CALCRL: variants seen among roughly 807,000 people sequenced by gnomAD.
CALCRL encodes calcitonin receptor like receptor.
Under a neutral mutation model 60.4 loss-of-function variants are expected in CALCRL, and 27 were observed. That is an observed-to-expected ratio of 0.45 (90% CI 0.33 to 0.62). CALCRL has a LOEUF of 0.62. Ranked by LOEUF, CALCRL falls within the 20% of genes least tolerant of loss-of-function variation. The pLI, the probability that CALCRL is intolerant of heterozygous loss-of-function variation, is 0.03. For missense variants in CALCRL, 424 were observed against 540.7 expected (o/e 0.78, Z 2.14); for synonymous variants, 190 against 182.6 (o/e 1.04, Z -0.33).
intron 8 of CALCRL, among the ~76,000 whole-genome samples, chr2:187,375,278 CAAAA>C (rs35276351): frequency 8.7e-6 from 1 of 115,374 alleles, no homozygotes. Flanking sequence ...GACTCCGTCT[CAAAA>C]AAAAAAAAAA....
chr2:187,427,892 T>C (rs1690216680), intron 1 of CALCRL, among the ~76,000 whole-genome samples: 1 of 152,202 alleles, frequency 6.6e-6, no homozygotes, highest in Non-Finnish European at 1.5e-5. Flanking sequence ...TGGTCATTTC[T>C]ACTATTTGAT....
At chr2:187,361,463 A>G (rs114097329) in intron 9 of CALCRL, among the ~76,000 whole-genome samples, 394 of 152,100 alleles carry the variant, frequency 2.6e-3, no homozygotes, top group Non-Finnish European at 4.2e-3. Flanking sequence ...CCAAAAATAC[A>G]TGACCTGTTA....
At chr2:187,417,576 G>GTA (rs775666975) in intron 1 of CALCRL, among the ~76,000 whole-genome samples, 13 of 151,980 alleles carry the variant, frequency 8.6e-5, no homozygotes, top group Non-Finnish European at 1.8e-4. Flanking sequence ...CCTTTGACCT[G>GTA]TAATGAACAA....
In CALCRL at chr2:187,385,556, G is replaced by A. The variant is rs1464838331; in HGVS notation, c.40C>T (p.Pro14Ser). Residue 14 changes from proline to serine, a missense_variant, in exon 4 of 15, where the codon CCT becomes TCT. By Grantham distance (74) the Pro-to-Ser change is moderately conservative. This residue lies in a region of CALCRL where 108 missense variants were observed against 132.9 expected (regional missense o/e 0.81). Coordinates refer to ENST00000392370, the MANE Select transcript of CALCRL (RefSeq NM_005795.6). ...ATTTTTATGCTTACCATAAAAAAAG[G>A]CAAGAGAACCAGAAAATACAGGGTA... ...KCTLYFLVLL[P>S]FFMILVTAEL... 5 of 1,504,306 alleles carry A rather than the reference G, an allele frequency of 3.3e-6. No homozygotes were observed. Among genetic ancestry groups the A allele is most frequent in the Non-Finnish European group, 4.6e-6 (5 of 1,089,700 alleles). 93.2% of individuals were successfully genotyped at this position (1,504,306 alleles called of 1,614,324 possible). A position where few individuals can be genotyped will look rare whatever the true frequency, so the allele number is the denominator to read the frequency against.
chr2:187,443,911 G>A (rs190191273), intron 1 of CALCRL, among the ~76,000 whole-genome samples: 13 of 151,688 alleles, frequency 8.6e-5, no homozygotes, highest in African/African-American at 2.2e-4. Context: ...TAGTGAATGC[G>A]GGTTCAAATT....
intron 4 of CALCRL, among the ~76,000 whole-genome samples, chr2:187,383,526 T>C (rs989720643): frequency 2.6e-5 from 4 of 152,124 alleles, no homozygotes; most frequent in African/African-American, 7.2e-5. Context: ...GATGTCACCA[T>C]TGGCAGAGTG....
chr2:187,349,386 C>G (rs973618875), intron 14 of CALCRL, among the ~76,000 whole-genome samples: 3 of 151,414 alleles, frequency 2.0e-5, no homozygotes, highest in African/African-American at 7.3e-5. Flanking sequence ...AGGCATTTGA[C>G]CTAATGTGGA....
chr2:187,364,413 G>A (rs1687189543), intron 8 of CALCRL, among the ~76,000 whole-genome samples: 1 of 151,910 alleles, frequency 6.6e-6, no homozygotes. Flanking sequence ...TCATATGAAG[G>A]AAGACCTGAG....
At position 187,371,236 on chromosome 2, in the gene CALCRL, C is replaced by T. The variant is rs556058469; in HGVS notation, c.500+7704G>A. ...CAGCCTGGGTGACAGAGCGAGACTC[C>T]GTCTAAAAAAAAAAAAAAGTTAAAT... is the stretch of plus-strand genomic sequence containing the variant. On this transcript the variant is annotated intron_variant, in intron 8 of 14. Transcript: ENST00000392370. Among the ~76,000 whole-genome samples the T allele has an allele frequency of 5.4e-4, 80 of 149,418 alleles. No individual in the cohort carries two copies. In the Middle Eastern group the frequency reaches 0.024, roughly 45 times the overall value.
At position 187,346,318 on chromosome 2, in the gene CALCRL, T is replaced by C. The variant is rs770616041; in HGVS notation, c.1252A>G (p.Ser418Gly). 1.1e-5 allele frequency: 18 copies of C among 1,612,458 alleles called. No homozygotes were observed. Among genetic ancestry groups the C allele is most frequent in the Non-Finnish European group, 8.5e-7 (1 of 1,179,086 alleles). ...NSFSNSEALR[S>G]ASYTVSTISD... ...ATTGTTGACACTGTGTAAGACGCAC[T>C]ACGAAGAGCTTCTGAGTTGGAAAAG... Residue 418 changes from serine (S) to glycine (G), a missense_variant, in exon 15 of 15, where the codon AGT becomes GGT. Physicochemically the swap from Ser to Gly is moderately conservative, Grantham distance 56. This residue lies in a region of CALCRL where 222 missense variants were observed against 265.6 expected (regional missense o/e 0.84). Coordinates refer to ENST00000392370, the MANE Select transcript of CALCRL (RefSeq NM_005795.6).
intron 1 of CALCRL, among the ~76,000 whole-genome samples, chr2:187,437,188 A>G (rs1690679367): frequency 6.6e-6 from 1 of 152,208 alleles, no homozygotes; most frequent in Admixed American, 6.5e-5. Context: ...AAAAAGAGCA[A>G]AGTTTAGGAT....
At chr2:187,364,469 TG>T (rs1367086503) in intron 8 of CALCRL, among the ~76,000 whole-genome samples, 1 of 151,708 alleles carries the variant, frequency 6.6e-6, no homozygotes, top group Non-Finnish European at 1.5e-5. Flanking sequence ...TGTGTGTGTG[TG>T]TTTTTTTTTT....
intron 1 of CALCRL, among the ~76,000 whole-genome samples, chr2:187,398,672 G>A (rs1488514278): frequency 1.3e-5 from 2 of 151,556 alleles, no homozygotes; most frequent in African/African-American, 4.8e-5. Context: ...CTTGGTCATG[G>A]ACATGTGTGG....
chr2:187,441,811 G>A (rs1482192105), intron 1 of CALCRL: 1 of 151,698 alleles, frequency 6.6e-6, no homozygotes, highest in Non-Finnish European at 1.5e-5. Context: ...CAGCTATTGG[G>A]CCTATGGTTT....
chr2:187,435,924 C>T (rs1274496200), intron 1 of CALCRL, among the ~76,000 whole-genome samples: 1 of 149,266 alleles, frequency 6.7e-6, no homozygotes, highest in Non-Finnish European at 1.5e-5. Context: ...TGGTGAAAAG[C>T]GTCTACAAAT....
chr2:187,383,372 G>A, intron 4 of CALCRL, 67 bp from the exon 5 acceptor site: 1 of 1,394,104 alleles, frequency 7.2e-7, no homozygotes, highest in Non-Finnish European at 9.7e-7. Flanking sequence ...TTTGTCAAAG[G>A]CAGTCTGTCA....
intron 1 of CALCRL, among the ~76,000 whole-genome samples, chr2:187,443,598 A>G (rs1691028938): frequency 6.6e-6 from 1 of 151,766 alleles, no homozygotes; most frequent in Non-Finnish European, 1.5e-5. Context: ...ATATTTGTAG[A>G]AAAGACAGAA....
intron 8 of CALCRL, among the ~76,000 whole-genome samples, chr2:187,372,213 C>T (rs1397949810): frequency 6.8e-6 from 1 of 148,062 alleles, no homozygotes. Context: ...GCTCTCTTTT[C>T]TGTGGAAAAA....
At chr2:187,372,064 A>G (rs1362355612) in intron 8 of CALCRL, among the ~76,000 whole-genome samples, 2 of 152,154 alleles carry the variant, frequency 1.3e-5, no homozygotes, top group Non-Finnish European at 2.9e-5. Flanking sequence ...ATCATTGTCT[A>G]CATAGTTCCA....
Sources: allele counts gnomAD v4.1 joint callset (sites outside exome capture counted in the v4.1 genomes callset), GRCh38; gene constraint gnomAD v4.1.1; regional missense constraint gnomAD v4.1.1; transcripts MANE v1.5; gene names NCBI Gene and HGNC (gene_info 2026-07-23, HGNC 2026-07-21).